The following KLK7 variants were observed in gnomAD, a reference collection of about 807,000 sequenced individuals.
KLK7 encodes the protein kallikrein related peptidase 7, also known as kallikrein-7.
A neutral mutation model predicts 21.0 loss-of-function variants in KLK7; 17 were observed. The observed-to-expected ratio is 0.81, with a 90% CI of 0.55 to 1.21. The LOEUF is 1.21. Among genes scored for constraint, KLK7 ranks in the 50% most tolerant of loss-of-function variants. The probability of loss-of-function intolerance (pLI) is 0.00; values close to 1 mark genes in which losing one functional copy is unlikely to be tolerated. For missense variants in KLK7, 330 were observed against 322.8 expected (o/e 1.02, Z -0.17); for synonymous variants, 151 against 134.6 (o/e 1.12, Z -0.85).
chr19:50,983,802 G>T, intron 1 of KLK7, 49 bp downstream of exon 1: 1 of 1,288,230 alleles, frequency 7.8e-7, no homozygotes, highest in Non-Finnish European at 1.0e-6. Context: ...CTTGGAGCCA[G>T]CATCACCCTC....
intron 1 of KLK7, among the ~76,000 whole-genome samples, chr19:50,983,436 T>C (rs1474139328): frequency 5.8e-5 from 4 of 68,552 alleles, no homozygotes; most frequent in Admixed American, 1.8e-4. Context: ...TCCCAGCCCC[T>C]CCTCCCTCAG....
intron 3 of KLK7, 60 bp from the exon 4 acceptor site, chr19:50,980,547 G>C: frequency 6.2e-7 from 1 of 1,602,656 alleles, no homozygotes. Context: ...GGTGTGCAAA[G>C]ACCTGGGGGA....
chr19:50,981,722 T>C (rs1555783510), intron 3 of KLK7, 45 bp downstream of exon 3: 1 of 1,515,890 alleles, frequency 6.6e-7, no homozygotes, highest in Non-Finnish European at 8.9e-7. Flanking sequence ...CATAGCGAGC[T>C]GGAGACGCTG....
At position 50,977,488 on chromosome 19, in the gene KLK7, C is replaced by T; in HGVS notation, c.*48G>A. 1.9e-6 allele frequency: 3 copies of T among 1,590,336 alleles called. No individual in the cohort carries two copies. The highest frequency in any genetic ancestry group is 2.2e-5 in the East Asian group (1 of 44,588). ...TCATAGGTCATCGGCGTCCTCACTC[C>T]TGTGCATTTTCTGTTGGAAGCACAC... On this transcript the variant is annotated 3_prime_UTR_variant, in exon 6 of 6. Transcript: ENST00000595820.
intron 2 of KLK7, 55 bp downstream of exon 2, chr19:50,982,272 G>A (rs1680949108): frequency 6.3e-7 from 1 of 1,578,520 alleles, no homozygotes. Context: ...GGACTCCTTG[G>A]AGAGGGTCAG....
At chr19:50,983,050 A>G (rs1374543111) in intron 1 of KLK7, among the ~76,000 whole-genome samples, 3 of 19,084 alleles carry the variant, frequency 1.6e-4, no homozygotes, top group Non-Finnish European at 2.2e-4. Flanking sequence ...CCTCCCTCAG[A>G]CCCAGGAGTC....
Position 50,983,873 on chromosome 19 carries a change from C to T in KLK7, c.-81G>A, listed in dbSNP as rs2091110758. ...CACCTCGAGAGGATCTGATGTGATCCAAGTTCCGACTTGGGCTGGCACACA... is the reference window on the plus strand; with the variant it reads ...CACCTCGAGAGGATCTGATGTGATCTAAGTTCCGACTTGGGCTGGCACACA... On this transcript the variant is annotated 5_prime_UTR_variant, in exon 1 of 6. Coordinates refer to ENST00000595820, the MANE Select transcript of KLK7 (RefSeq NM_005046.4). 7.8e-7 allele frequency: 1 copy of T among 1,289,082 alleles called. No homozygotes were observed. The highest frequency in any genetic ancestry group is 1.0e-6 in the Non-Finnish European group (1 of 988,732). 79.9% of individuals were successfully genotyped at this position (1,289,082 alleles called of 1,614,324 possible).
chr19:50,984,025 G>A (rs1337732931), upstream of KLK7: 2 of 856,880 alleles, frequency 2.3e-6, no homozygotes, highest in Non-Finnish European at 1.7e-6. Flanking sequence ...CTGCATTTGC[G>A]GTTCTGGTTA....
At chr19:50,982,234 G>GT (rs1210484275) in intron 2 of KLK7, 93 bp downstream of exon 2, 1 of 1,493,182 alleles carries the variant, frequency 6.7e-7, no homozygotes, top group Non-Finnish European at 9.2e-7. Flanking sequence ...GATGGAAGCT[G>GT]TTTGAGGAGG....
intron 5 of KLK7, 53 bp downstream of exon 5, chr19:50,979,735 G>A (rs2091061696): frequency 2.0e-6 from 3 of 1,535,576 alleles, no homozygotes; most frequent in East Asian, 2.4e-5. Context: ...TGTCCCTGGG[G>A]CATGCAGACA....
intron 2 of KLK7, 110 bp downstream of exon 2, chr19:50,982,217 C>A: frequency 7.1e-7 from 1 of 1,414,684 alleles, no homozygotes; most frequent in Non-Finnish European, 9.7e-7. Context: ...CAGTCTGGTC[C>A]TCCCAGGATG....
chr19:50,977,492 G>C lies in KLK7; in HGVS notation c.*44C>G. ...AGGTCATCGGCGTCCTCACTCCTGT[G>C]CATTTTCTGTTGGAAGCACACAGTT... On this transcript the variant is annotated 3_prime_UTR_variant, in exon 6 of 6. Transcript: ENST00000595820. 6.3e-7 allele frequency: 1 copy of C among 1,596,738 alleles called. No individual in the cohort carries two copies.
At chr19:50,981,982 G>A (rs956445538) in intron 2 of KLK7, 68 bp from the exon 3 acceptor site, 1 of 1,494,384 alleles carries the variant, frequency 6.7e-7, no homozygotes, top group Non-Finnish European at 9.2e-7. Context: ...GCACCTCAGG[G>A]ATTCCCAGAG....
intron 5 of KLK7, among the ~76,000 whole-genome samples, chr19:50,978,810 T>C (rs1483756869): frequency 1.1e-5 from 1 of 88,666 alleles, no homozygotes; most frequent in Non-Finnish European, 2.1e-5. Context: ...GGGAGAGAGA[T>C]GAAGAGAGAC....
chr19:50,979,726 G>C (rs1015334532), intron 5 of KLK7, 62 bp downstream of exon 5: 158 of 1,520,812 alleles, frequency 1.0e-4, no homozygotes, highest in Non-Finnish European at 1.4e-4. Flanking sequence ...GTCAAGCTCT[G>C]TCCCTGGGGC....
At chr19:50,983,969 C>G, upstream of KLK7, 1 of 1,278,422 alleles carries the variant, frequency 7.8e-7, no homozygotes, top group Non-Finnish European at 1.0e-6. Flanking sequence ...ATGCCCGGCC[C>G]CAGCGCCCTG....
At chr19:50,980,527 T>C (rs1217121276) in intron 3 of KLK7, 40 bp from the exon 4 acceptor site, 1 of 1,609,618 alleles carries the variant, frequency 6.2e-7, no homozygotes, top group African/African-American at 1.3e-5. Context: ...AGAGACACTG[T>C]GACAGAGAGG....
At chr19:50,980,585 G>T (rs2091071353) in intron 3 of KLK7, 98 bp from the exon 4 acceptor site, 3 of 1,448,898 alleles carry the variant, frequency 2.1e-6, no homozygotes, top group East Asian at 4.6e-5. Flanking sequence ...CCCAGAGAGA[G>T]GAGGGGGGAC....
In KLK7 at chr19:50,983,854, G is replaced by A. The variant is rs1182441809; in HGVS notation, c.-62C>T. 15 of 1,289,036 alleles carry A rather than the reference G, an allele frequency of 1.2e-5. No homozygotes were observed. The East Asian group carries it at 7.8e-4, about 67-fold the overall frequency. The allele number at this position is 1,289,036 out of a possible 1,614,324, so 79.8% of individuals were successfully genotyped here. A position where few individuals can be genotyped will look rare whatever the true frequency, so the allele number is the denominator to read the frequency against. On this transcript the variant is annotated 5_prime_UTR_variant, in exon 1 of 6. Transcript: ENST00000595820. ...CCTTGATGAAGCCTCTTCTCACCTC[G>A]AGAGGATCTGATGTGATCCAAGTTC...
Sources: gnomAD v4.1 joint callset for allele counts (sites outside exome capture counted in the v4.1 genomes callset) on GRCh38, gnomAD v4.1.1 for gene constraint, MANE v1.5 for transcripts, NCBI Gene and HGNC (gene_info 2026-07-23, HGNC 2026-07-21) for gene names.